Variants in RBM12B observed in about 807,000 individuals in gnomAD.
The protein encoded by RBM12B is RNA binding motif protein 12B, also known as RNA-binding protein 12B.
In RBM12B, 10 loss-of-function variants were observed where a neutral mutation model predicts 34.3. The ratio of observed to expected loss-of-function variants is 0.29; its 90% CI spans 0.18 to 0.49. RBM12B has a LOEUF of 0.49. Ranked by LOEUF, RBM12B falls within the 20% of genes least tolerant of loss-of-function variation. The probability of loss-of-function intolerance (pLI) is 0.99; values close to 1 mark genes in which losing one functional copy is unlikely to be tolerated. For synonymous variants in RBM12B, 477 were observed against 437.1 expected, an observed-to-expected ratio of 1.09 and a Z score of -1.14; for missense variants, 1,139 against 1,262.7, an observed-to-expected ratio of 0.90 and a Z score of 1.48.
rs772666570 is a variant in RBM12B at position 93,734,791 on chromosome 8, G to C, written c.1620C>G (p.Phe540Leu). The C allele has an allele frequency of 1.2e-6, 2 of 1,614,192 alleles. No homozygotes were observed. Among genetic ancestry groups the C allele is most frequent in the Non-Finnish European group, 1.7e-6 (2 of 1,180,018 alleles). The change falls in exon 4 of 4, where the codon TTC (phenylalanine) becomes TTG (leucine). Residue 540 changes from phenylalanine (F) to leucine (L), a missense_variant. Phe to Leu is a conservative substitution (Grantham distance 22, BLOSUM62 0). Coordinates refer to ENST00000520560, the MANE Select transcript of RBM12B (RefSeq NM_001377960.1). The part of the protein sequence containing the change: ...QLEDLRQLDN[F>L]KHPQRDFRQP... Reference sequence around the variant, plus strand: ...GCCGGAAATCCCTCTGGGGATGCTTGAAGTTATCCAGTTGCCTCAAGTCCT... The same window carrying C: ...GCCGGAAATCCCTCTGGGGATGCTTCAAGTTATCCAGTTGCCTCAAGTCCT...
intron 2 of RBM12B, among the ~76,000 whole-genome samples, chr8:93,737,925 C>G (rs1022125128): frequency 6.6e-6 from 1 of 151,544 alleles, no homozygotes; most frequent in Non-Finnish European, 1.5e-5. Context: ...AACATAAGAC[C>G]AAATCAAATT....
intron 2 of RBM12B, chr8:93,740,160 C>T (rs1183049976): frequency 2.7e-6 from 1 of 373,740 alleles, no homozygotes; most frequent in Non-Finnish European, 5.3e-6. Flanking sequence ...GATGATCCAC[C>T]TTTTATAATG....
chr8:93,739,976 T>A (rs564880564), intron 2 of RBM12B: 1 of 302,178 alleles, frequency 3.3e-6, no homozygotes, highest in Admixed American at 4.8e-5. Context: ...TCAGATCCAT[T>A]TGATTTTTAA....
Position 93,734,475 on chromosome 8 carries a change from G to T in RBM12B, c.1936C>A (p.Leu646Ile). The T allele has an allele frequency of 1.9e-6, 3 of 1,605,710 alleles. No individual in the cohort carries two copies. The highest frequency in any genetic ancestry group is 1.3e-5 in the African/African-American group (1 of 74,492). Residue 646 changes from leucine to isoleucine, a missense_variant, in exon 4 of 4, where the codon CTC becomes ATC. Physicochemically the swap from Leu to Ile is conservative, Grantham distance 5. Around this residue, in one of 3 missense-constraint regions of RBM12B, gnomAD observed 863 missense variants for 869.5 expected, o/e 0.99. Coordinates refer to ENST00000520560, the MANE Select transcript of RBM12B (RefSeq NM_001377960.1). ...GGTTGCCTGAAGTCCTCCTCGGGGA[G>T]CTGCCTGAAGTCCTCCGTGGGAGAC... is the stretch of plus-strand genomic sequence containing the variant. ...RRSPTEDFRQ[L>I]PEEDFRQPPE...
In RBM12B at chr8:93,730,483, G is replaced by A. The variant is rs1811746230; in HGVS notation, c.*2922C>T. The A allele has an allele frequency of 6.6e-6, 1 of 152,182 alleles. No homozygotes were observed. Among genetic ancestry groups the A allele is most frequent in the South Asian group, 2.1e-4 (1 of 4,824 alleles). 9.4% of individuals were successfully genotyped at this position (152,182 alleles called of 1,614,324 possible). On this transcript the variant is annotated 3_prime_UTR_variant, in exon 4 of 4. Coordinates refer to ENST00000520560, the MANE Select transcript of RBM12B (RefSeq NM_001377960.1). ...AGAGAATACACCTCCAGTGTACCTGGTATACCTTGAGGATAGGAGAGGAAA... is the reference window on the plus strand; with the variant it reads ...AGAGAATACACCTCCAGTGTACCTGATATACCTTGAGGATAGGAGAGGAAA...
At chr8:93,738,683 G>A (rs1448505506) in intron 2 of RBM12B, among the ~76,000 whole-genome samples, 1 of 152,116 alleles carries the variant, frequency 6.6e-6, no homozygotes, top group Non-Finnish European at 1.5e-5. Context: ...GGCTGGTAGG[G>A]AACTCATGGG....
In RBM12B at chr8:93,729,136, T is replaced by G. The variant is rs962163722; in HGVS notation, c.*4269A>C. ...CTTCTCTTTTGGTAAGGAATACTTT[T>G]ATTTCATGGATCCCAGGCAGGCATA... is the stretch of plus-strand genomic sequence containing the variant. On this transcript the variant is annotated 3_prime_UTR_variant, in exon 4 of 4. Coordinates refer to ENST00000520560, the MANE Select transcript of RBM12B (RefSeq NM_001377960.1). The G allele has an allele frequency of 8.5e-5, 13 of 152,284 alleles. No homozygotes were observed. The highest frequency in any genetic ancestry group is 3.1e-4 in the African/African-American group (13 of 41,586). The allele number at this position is 152,284 out of a possible 1,614,324, so 9.4% of individuals were successfully genotyped here. A position where few individuals can be genotyped will look rare whatever the true frequency, so the allele number is the denominator to read the frequency against.
Position 93,735,359 on chromosome 8 carries a change from C to A in RBM12B, c.1052G>T (p.Arg351Leu), listed in dbSNP as rs773057715. The A allele has an allele frequency of 8.7e-6, 14 of 1,613,608 alleles. No homozygotes were observed. Among genetic ancestry groups the A allele is most frequent in the African/African-American group, 2.7e-5 (2 of 74,856 alleles). Reference sequence around the variant, plus strand: ...AGAAATTGGATCAATATGAACTGGACGATATTGTAAAACAGTCTTATGTAA... The same window carrying A: ...AGAAATTGGATCAATATGAACTGGAAGATATTGTAAAACAGTCTTATGTAA... Reference protein sequence around the residue: ...LSLHKTVLQYRPVHIDPISRK... With the variant: ...LSLHKTVLQYLPVHIDPISRK... The change falls in exon 4 of 4, where the codon CGT (arginine) becomes CTT (leucine). Residue 351 changes from arginine (R) to leucine (L), a missense_variant. By Grantham distance (102) the Arg-to-Leu change is moderately radical. Coordinates refer to ENST00000520560, the MANE Select transcript of RBM12B (RefSeq NM_001377960.1).
Position 93,734,872 on chromosome 8 carries a change from T to A in RBM12B, c.1539A>T (p.Ser513=), listed in dbSNP as rs369574397. ...ERGDHSHLFD[S]KDPPIYSVGA... ...CAACTGAGTATATTGGTGGGTCTTT[T>A]GAGTCAAATAAATGGGAATGGTCAC... Residue 513 remains serine, a synonymous_variant, in exon 4 of 4, where the codon TCA becomes TCT. Transcript: ENST00000520560. The A allele has an allele frequency of 5.0e-6, 8 of 1,614,064 alleles. No homozygotes were observed. The highest frequency in any genetic ancestry group is 5.9e-6 in the Non-Finnish European group (7 of 1,180,040).
Position 93,734,243 on chromosome 8 carries a change from A to C in RBM12B, c.2168T>G (p.Phe723Cys), listed in dbSNP as rs1811919417. 6.2e-7 allele frequency: 1 copy of C among 1,609,748 alleles called. No individual in the cohort carries two copies. Among genetic ancestry groups the C allele is most frequent in the East Asian group, 2.2e-5 (1 of 44,770 alleles). ...EDFRQSPQEH[F>C]RRPPQEHFRR... ...GAAATGCTCCTGAGGTGGCCTCCGG[A>C]AATGCTCCTGGGGTGACTGCCTGAA... Residue 723 changes from phenylalanine to cysteine, a missense_variant, in exon 4 of 4, where the codon TTC becomes TGC. Coordinates refer to ENST00000520560, the MANE Select transcript of RBM12B (RefSeq NM_001377960.1).
rs759202418 is a variant in RBM12B at position 93,734,907 on chromosome 8, G to C, written c.1504C>G (p.Arg502Gly). 2 of 1,613,162 alleles carry C rather than the reference G, an allele frequency of 1.2e-6. No homozygotes were observed. The highest frequency in any genetic ancestry group is 1.7e-6 in the Non-Finnish European group (2 of 1,179,258). Residue 502 changes from arginine (R) to glycine (G), a missense_variant, in exon 4 of 4, where the codon CGT becomes GGT. By Grantham distance (125) the Arg-to-Gly change is moderately radical (BLOSUM62 -2). Around this residue, in one of 3 missense-constraint regions of RBM12B, gnomAD observed 863 missense variants for 869.5 expected, o/e 0.99. Transcript: ENST00000520560. Reference protein sequence around the residue: ...SEKMQARSQSRERGDHSHLFD... With the variant: ...SEKMQARSQSGERGDHSHLFD... The stretch of plus-strand genomic sequence containing the variant: ...AAATGGGAATGGTCACCTCGCTCAC[G>C]TGACTGTGAGCGAGCTTGCATTTTT...
In RBM12B at chr8:93,733,848, G is replaced by A. The variant is rs1811877661; in HGVS notation, c.2563C>T (p.Pro855Ser). 6.2e-7 allele frequency: 1 copy of A among 1,613,950 alleles called. No individual in the cohort carries two copies. ...TCAGGAAGTCTAGGGTCCTCCTCCG[G>A]AGCTTCCCTAAGGTCTTCCTCTGGG... is the stretch of plus-strand genomic sequence containing the variant. Reference protein sequence around the residue: ...QLPEEDLREAPEEDPRLPDNF... With the variant: ...QLPEEDLREASEEDPRLPDNF... Residue 855 changes from proline to serine, a missense_variant, in exon 4 of 4, where the codon CCG becomes TCG. This residue lies in a region of RBM12B where 863 missense variants were observed against 869.5 expected (regional missense o/e 0.99). Transcript: ENST00000520560.
At chr8:93,740,081 A>G (rs746299365) in intron 2 of RBM12B, 1 of 352,650 alleles carries the variant, frequency 2.8e-6, no homozygotes. Flanking sequence ...ATGATGTAGC[A>G]TATTCACACT....
At position 93,735,244 on chromosome 8, in the gene RBM12B, T is replaced by A. The variant is rs771454527; in HGVS notation, c.1167A>T (p.Lys389Asn). The A allele has an allele frequency of 1.7e-5, 27 of 1,613,952 alleles. No individual in the cohort carries two copies. The South Asian group carries it at 2.4e-4, about 14-fold the overall frequency. The change falls in exon 4 of 4, where the codon AAA (lysine) becomes AAT (asparagine). Residue 389 changes from lysine (K) to asparagine (N), a missense_variant. By Grantham distance (94) the Lys-to-Asn change is moderately conservative. Coordinates refer to ENST00000520560, the MANE Select transcript of RBM12B (RefSeq NM_001377960.1). ...ERDRPGHVSQ[K>N]YSQEGNSGQK... ...GGCCAGAGTTACCTTCTTGAGAGTA[T>A]TTTTGTGAAACATGTCCGGGCCTAT...
chr8:93,733,565 C>T lies in RBM12B; in HGVS notation c.2846G>A (p.Arg949Lys), dbSNP rs1349641547. Residue 949 changes from arginine to lysine, a missense_variant, in exon 4 of 4, where the codon AGA (arginine) becomes AAA (lysine). Coordinates refer to ENST00000520560, the MANE Select transcript of RBM12B (RefSeq NM_001377960.1). ...NEILDFFHGY[R>K]IIPDSVSIQY... ...TATCGAAACTGAATCAGGTATGATT[C>T]TGTAACCATGGAAAAAGTCTAAAAT... 2.5e-6 allele frequency: 4 copies of T among 1,613,704 alleles called. No individual in the cohort carries two copies. Among genetic ancestry groups the T allele is most frequent in the South Asian group, 1.1e-5 (1 of 91,074 alleles).
intron 2 of RBM12B, chr8:93,740,024 G>A (rs1482865609): frequency 3.3e-6 from 1 of 300,642 alleles, no homozygotes; most frequent in South Asian, 2.8e-5. Context: ...TATGGTGAGG[G>A]AGAGAATTTT....
In RBM12B at chr8:93,735,135, C is replaced by G. The variant is rs779496587; in HGVS notation, c.1276G>C (p.Ala426Pro). ...TAAAGCAAGTAAATGTCATCCTCAG[C>G]AAGAAGAAAGTCTGCAAAGAACTTC... ...VQKFFADFLL[A>P]EDDIYLLYDD... The change falls in exon 4 of 4, where the codon GCT (alanine) becomes CCT (proline). Residue 426 changes from alanine (A) to proline (P), a missense_variant. Physicochemically the swap from Ala to Pro is conservative, Grantham distance 27. Around this residue, in one of 3 missense-constraint regions of RBM12B, gnomAD observed 863 missense variants for 869.5 expected, o/e 0.99. Coordinates refer to ENST00000520560, the MANE Select transcript of RBM12B (RefSeq NM_001377960.1). 1 of 1,614,104 alleles carries G rather than the reference C, an allele frequency of 6.2e-7. No homozygotes were observed. Among genetic ancestry groups the G allele is most frequent in the Non-Finnish European group, 8.5e-7 (1 of 1,180,024 alleles).
In RBM12B at chr8:93,736,446, C is replaced by A; in HGVS notation, c.-28-8G>T. 6.6e-7 allele frequency: 1 copy of A among 1,510,958 alleles called. No individual in the cohort carries two copies. The highest frequency in any genetic ancestry group is 2.2e-5 in the Admixed American group (1 of 44,680). The allele number at this position is 1,510,958 out of a possible 1,614,324, so 93.6% of individuals were successfully genotyped here. On this transcript the variant is annotated splice_polypyrimidine_tract_variant and splice_region_variant and intron_variant, in intron 3 of 3. Transcript: ENST00000520560. ...AACCACAGCAATAATGACCTGCAGA[C>A]AAAAAGGTACACATAATAGCAAGTC...
At position 93,735,255 on chromosome 8, in the gene RBM12B, C is replaced by T; in HGVS notation, c.1156G>A (p.Val386Ile). The T allele has an allele frequency of 6.2e-7, 1 of 1,613,990 alleles. No homozygotes were observed. The highest frequency in any genetic ancestry group is 8.5e-7 in the Non-Finnish European group (1 of 1,180,004). The part of the protein sequence containing the change: ...GSLERDRPGH[V>I]SQKYSQEGNS... ...CCTTCTTGAGAGTATTTTTGTGAAA[C>T]ATGTCCGGGCCTATCTCTCTCTAGT... The change falls in exon 4 of 4, where the codon GTT (valine) becomes ATT (isoleucine). Residue 386 changes from valine (V) to isoleucine (I), a missense_variant. By Grantham distance (29) the Val-to-Ile change is conservative. Coordinates refer to ENST00000520560, the MANE Select transcript of RBM12B (RefSeq NM_001377960.1).
Sources: gnomAD v4.1 joint callset for allele counts (sites outside exome capture counted in the v4.1 genomes callset) on GRCh38, gnomAD v4.1.1 for gene constraint, gnomAD v4.1.1 regional missense constraint, MANE v1.5 for transcripts, NCBI Gene and HGNC (gene_info 2026-07-23, HGNC 2026-07-21) for gene names.